NCALD: variants seen among roughly 807,000 people sequenced by gnomAD.
NCALD encodes the protein neurocalcin delta.
In NCALD, 10 loss-of-function variants were observed where a neutral mutation model predicts 18.6. That is an observed-to-expected ratio of 0.54 (90% CI 0.33 to 0.91). NCALD has a LOEUF of 0.91. Ranked by LOEUF, NCALD falls within the 40% of genes least tolerant of loss-of-function variation. The pLI, the probability that NCALD is intolerant of heterozygous loss-of-function variation, is 0.03. For missense variants in NCALD, 184 were observed against 247.6 expected, an observed-to-expected ratio of 0.74 and a Z score of 1.72; for synonymous variants, 88 against 87.4, an observed-to-expected ratio of 1.01 and a Z score of -0.04.
chr8:101,989,939 C>T (rs555447439), intron 2 of NCALD, among the ~76,000 whole-genome samples: 1 of 152,190 alleles, frequency 6.6e-6, no homozygotes, highest in African/African-American at 2.4e-5. Context: ...GGGGTTAACA[C>T]AGCCTTTCAC....
At chr8:101,808,178 A>T (rs8181022) in intron 4 of NCALD, among the ~76,000 whole-genome samples, 121,612 of 152,078 alleles carry the variant, frequency 0.8, 48,796 homozygotes, top group African/African-American at 0.86. Context: ...CCCAGTCCTA[A>T]CTACCTTTCA....
chr8:102,026,455 A>G (rs541521688), intron 1 of NCALD, among the ~76,000 whole-genome samples: 22 of 152,350 alleles, frequency 1.4e-4, no homozygotes, highest in African/African-American at 5.0e-4. Context: ...TCTGAAATCT[A>G]ACAAGGCAGT....
At chr8:101,746,762 G>C (rs1338296640) in intron 1 of NCALD, among the ~76,000 whole-genome samples, 1 of 151,658 alleles carries the variant, frequency 6.6e-6, no homozygotes, top group Non-Finnish European at 1.5e-5. Context: ...TCTTTAACTG[G>C]ATAAATGTAA....
At chr8:101,957,301 T>G (rs1301715237) in intron 2 of NCALD, among the ~76,000 whole-genome samples, 1 of 148,206 alleles carries the variant, frequency 6.7e-6, no homozygotes, top group Non-Finnish European at 1.5e-5. Flanking sequence ...TTTTTTTTTT[T>G]TTTTTTTTTT....
At chr8:101,903,948 C>T (rs541900760) in intron 3 of NCALD, among the ~76,000 whole-genome samples, 152 of 152,328 alleles carry the variant, frequency 1.0e-3, no homozygotes, top group African/African-American at 3.5e-3. Flanking sequence ...TCTGCAGACA[C>T]AGACTCCAGA....
intron 4 of NCALD, chr8:101,872,627 T>C: frequency 2.2e-6 from 1 of 464,190 alleles, no homozygotes. Flanking sequence ...TAAATTTGGC[T>C]GACCCTTGCA....
intron 2 of NCALD, among the ~76,000 whole-genome samples, chr8:101,967,840 G>GACACACACACACACAC (rs34321706): frequency 6.8e-6 from 1 of 147,796 alleles, no homozygotes; most frequent in African/African-American, 2.5e-5. Context: ...TCTTAAAATT[G>GACACACACACACACAC]ACACACACAC....
At chr8:102,095,737 GATGGTTTTTTCATT>G (rs986885902) in intron 1 of NCALD, among the ~76,000 whole-genome samples, 8 of 152,184 alleles carry the variant, frequency 5.3e-5, no homozygotes, top group African/African-American at 1.9e-4. Flanking sequence ...GGTATCTGAA[GATGGTTTTTTCATT>G]ATTTGGCTTA....
At chr8:102,076,222 C>T (rs1303505164) in intron 1 of NCALD, among the ~76,000 whole-genome samples, 10 of 151,832 alleles carry the variant, frequency 6.6e-5, no homozygotes, top group Non-Finnish European at 1.5e-4. Flanking sequence ...GAAGATTTTC[C>T]CTCTTTCTTT....
intron 4 of NCALD, among the ~76,000 whole-genome samples, chr8:101,818,743 T>G (rs1001802959): frequency 3.9e-5 from 6 of 152,156 alleles, no homozygotes; most frequent in African/African-American, 1.4e-4. Flanking sequence ...CAGCGGCTCA[T>G]GCCTGTAATC....
intron 4 of NCALD, among the ~76,000 whole-genome samples, chr8:101,796,892 A>G (rs1243275038): frequency 6.6e-6 from 1 of 152,196 alleles, no homozygotes; most frequent in Non-Finnish European, 1.5e-5. Flanking sequence ...ATTCAAAGTC[A>G]TCCCTCTGCT....
At chr8:102,110,276 C>A (rs1825599949) in intron 1 of NCALD, among the ~76,000 whole-genome samples, 1 of 151,812 alleles carries the variant, frequency 6.6e-6, no homozygotes, top group South Asian at 2.1e-4. Flanking sequence ...TGGTAAAGAA[C>A]ATGTAACTGA....
At chr8:102,009,427 G>A (rs1180690710) in intron 2 of NCALD, among the ~76,000 whole-genome samples, 1 of 152,152 alleles carries the variant, frequency 6.6e-6, no homozygotes, top group Non-Finnish European at 1.5e-5. Context: ...ACCTGTTTTT[G>A]TTTCCGTCTC....
At chr8:102,111,474 T>C (rs138856332) in intron 1 of NCALD, among the ~76,000 whole-genome samples, 1 of 152,048 alleles carries the variant, frequency 6.6e-6, no homozygotes, top group Non-Finnish European at 1.5e-5. Context: ...TGTTGCTTCC[T>C]CTCTCCTTCC....
chr8:102,095,679 C>G (rs1396812929), intron 1 of NCALD, among the ~76,000 whole-genome samples: 1 of 152,110 alleles, frequency 6.6e-6, no homozygotes, highest in African/African-American at 2.4e-5. Flanking sequence ...CAAGCCAAGA[C>G]AGTATTCTTG....
intron 2 of NCALD, among the ~76,000 whole-genome samples, chr8:101,702,222 T>C (rs1028921022): frequency 6.6e-6 from 1 of 152,046 alleles, no homozygotes; most frequent in African/African-American, 2.4e-5. Flanking sequence ...CCCTTTGTGA[T>C]AGTGTCATTC....
intron 1 of NCALD, among the ~76,000 whole-genome samples, chr8:102,043,564 G>A (rs1823128854): frequency 2.0e-5 from 3 of 151,730 alleles, no homozygotes; most frequent in South Asian, 2.1e-4. Context: ...ATTAAGGAGT[G>A]AACTAGAATG....
chr8:101,765,290 A>C (rs2130860631), intron 1 of NCALD, among the ~76,000 whole-genome samples: 1 of 152,284 alleles, frequency 6.6e-6, no homozygotes, highest in East Asian at 1.9e-4. Flanking sequence ...ACTGGTGTGG[A>C]TCCAAGGAGC....
At chr8:101,728,702 C>G (rs1816682210) in intron 1 of NCALD, among the ~76,000 whole-genome samples, 1 of 152,202 alleles carries the variant, frequency 6.6e-6, no homozygotes, top group African/African-American at 2.4e-5. Flanking sequence ...TGCCTGTAGT[C>G]CCAGCTCCTT....
Sources: gnomAD v4.1 joint callset for allele counts (sites outside exome capture counted in the v4.1 genomes callset) on GRCh38, gnomAD v4.1.1 for gene constraint, MANE v1.5 for transcripts, NCBI Gene and HGNC (gene_info 2026-07-23, HGNC 2026-07-21) for gene names.